Variants in TRIP11 observed in about 807,000 individuals in gnomAD.
TRIP11 encodes the protein thyroid receptor-interacting protein 11.
TRIP11 carries 148 observed loss-of-function variants against 223.1 expected under a neutral mutation model. The observed-to-expected ratio is 0.66, with a 90% CI of 0.58 to 0.76. The LOEUF is 0.76. TRIP11 is among the 30% of genes least tolerant of loss of function. TRIP11 has a pLI of 0.00. For synonymous variants in TRIP11, 762 were observed against 772.6 expected (o/e 0.99, Z 0.23); for missense variants, 2,043 against 2,222.0 (o/e 0.92, Z 1.62).
chr14:92,003,767 A>T lies in TRIP11; in HGVS notation c.4209T>A (p.Asp1403Glu). 1.9e-6 allele frequency: 3 copies of T among 1,614,198 alleles called. No individual in the cohort carries two copies. Among genetic ancestry groups the T allele is most frequent in the Non-Finnish European group, 8.5e-7 (1 of 1,180,036 alleles). The change falls in exon 11 of 21, where the codon GAT becomes GAA. Residue 1403 changes from aspartate to glutamate, a missense_variant. By Grantham distance (45) the Asp-to-Glu change is conservative. Coordinates refer to ENST00000267622, the MANE Select transcript of TRIP11 (RefSeq NM_004239.4). ...TTTCCTTAAGTAACTTTTGCAAAAC[A>T]TCTTGTTTCTCCTTTAGCTGCTTGA... is the stretch of plus-strand genomic sequence containing the variant. The part of the protein sequence containing the change: ...SEIKQLKEKQ[D>E]VLQKLLKEKD...
chr14:91,998,569 T>C (rs1184178118), intron 13 of TRIP11, among the ~76,000 whole-genome samples: 1 of 152,010 alleles, frequency 6.6e-6, no homozygotes, highest in Non-Finnish European at 1.5e-5. Context: ...AAAGGGTATA[T>C]AATGTATACA....
In TRIP11 at chr14:92,037,523, C is replaced by T. The variant is rs758512376; in HGVS notation, c.139+2024G>A. ...AAAATCCCACACGACAGAAGCTGTG[C>T]GTACAAGCAAGCATATATATGTGCA... On this transcript the variant is annotated intron_variant, in intron 1 of 20. Transcript: ENST00000267622. This position sits in a 1 kb window ranked among gnomAD's most constrained non-coding sequence, Gnocchi z 4.2. Among the ~76,000 whole-genome samples, 1 of 152,202 alleles carries T rather than the reference C, an allele frequency of 6.6e-6. No individual in the cohort carries two copies. The highest frequency in any genetic ancestry group is 1.5e-5 in the Non-Finnish European group (1 of 68,034).
intron 12 of TRIP11, 58 bp downstream of exon 12, chr14:91,999,910 T>C (rs2056800044): frequency 6.2e-7 from 1 of 1,602,166 alleles, no homozygotes; most frequent in African/African-American, 1.3e-5. Flanking sequence ...TTTCCAGTTC[T>C]CTTAATAGTT....
intron 4 of TRIP11, among the ~76,000 whole-genome samples, chr14:92,019,778 A>C (rs1476789161): frequency 1.3e-5 from 2 of 152,214 alleles, no homozygotes; most frequent in Non-Finnish European, 2.9e-5. Context: ...ATGATGCCAC[A>C]AGTGGAAAAT....
In TRIP11 at chr14:91,992,657, C is replaced by T. The variant is rs191911461; in HGVS notation, c.5160+1152G>A. On this transcript the variant is annotated intron_variant, in intron 15 of 20. Transcript: ENST00000267622. ...TCCTAGGCCGGGCATGGTGGGTAAT[C>T]CCAGCACTTTGGGAGGCCAAGGCGG... Among the ~76,000 whole-genome samples, 232 of 152,112 alleles carry T rather than the reference C, an allele frequency of 1.5e-3. 1 individual carries two copies. Among genetic ancestry groups the T allele is most frequent in the African/African-American group, 5.1e-3 (213 of 41,506 alleles).
intron 10 of TRIP11, 25 bp from the exon 11 acceptor site, chr14:92,006,473 C>A (rs2056904781): frequency 6.2e-7 from 1 of 1,609,758 alleles, no homozygotes; most frequent in African/African-American, 1.3e-5. Context: ...TGCATGGTGA[C>A]TTTACAACAT....
intron 6 of TRIP11, among the ~76,000 whole-genome samples, chr14:92,014,966 C>A (rs1417726050): frequency 6.7e-6 from 1 of 149,518 alleles, no homozygotes; most frequent in Non-Finnish European, 1.5e-5. Context: ...GGCAGTGGTG[C>A]CATCTCGGCT....
rs773518280 is a variant in TRIP11 at position 91,991,583 on chromosome 14, T to C, written c.5160+2226A>G. Reference sequence around the variant, plus strand: ...ATAAAGCTGAAGTTGACCATATATGTCCTATAACTCAGCAATTCCAATCAA... The same window carrying C: ...ATAAAGCTGAAGTTGACCATATATGCCCTATAACTCAGCAATTCCAATCAA... On this transcript the variant is annotated intron_variant, in intron 15 of 20. Transcript: ENST00000267622. 9.7e-4 allele frequency among the ~76,000 whole-genome samples: 148 copies of C among 152,142 alleles called. 1 individual carries two copies. Among genetic ancestry groups the C allele is most frequent in the Non-Finnish European group, 1.4e-3 (92 of 68,028 alleles).
At chr14:92,018,611 G>A (rs923086298) in intron 4 of TRIP11, among the ~76,000 whole-genome samples, 5 of 151,954 alleles carry the variant, frequency 3.3e-5, no homozygotes, top group Admixed American at 6.6e-5. Context: ...GTCAAAACAC[G>A]TGTGTTTGAA....
chr14:91,971,716 G>T (rs2056402649), intron 20 of TRIP11, among the ~76,000 whole-genome samples: 1 of 152,144 alleles, frequency 6.6e-6, no homozygotes, highest in Non-Finnish European at 1.5e-5. Flanking sequence ...ACTGTTTTCA[G>T]TATAGCCTAC....
chr14:91,988,795 T>G (rs1431500137), intron 15 of TRIP11, among the ~76,000 whole-genome samples: 2 of 152,236 alleles, frequency 1.3e-5, no homozygotes, highest in Admixed American at 6.5e-5. Flanking sequence ...CCCTGACCAC[T>G]ACTAGTGAAT....
chr14:91,982,047 A>G (rs1335417149), intron 16 of TRIP11, among the ~76,000 whole-genome samples: 2 of 152,212 alleles, frequency 1.3e-5, no homozygotes, highest in Non-Finnish European at 2.9e-5. Context: ...AATACAGTAT[A>G]ACTTCATTAA....
At chr14:92,024,005 G>A (rs1422303322) in intron 3 of TRIP11, among the ~76,000 whole-genome samples, 2 of 151,566 alleles carry the variant, frequency 1.3e-5, no homozygotes, top group East Asian at 1.9e-4. Context: ...ATAGGCATAC[G>A]CCACCACGTC....
chr14:91,995,397 G>C lies in TRIP11; in HGVS notation c.5011C>G (p.Leu1671Val), dbSNP rs780260139. Residue 1671 changes from leucine (L) to valine (V), a missense_variant, in exon 14 of 21, where the codon CTG (leucine) becomes GTG (valine). Physicochemically the swap from Leu to Val is conservative, Grantham distance 32 (BLOSUM62 1). Coordinates refer to ENST00000267622, the MANE Select transcript of TRIP11 (RefSeq NM_004239.4). ...VSQEQVKQYA[L>V]SLANLQMVLE... ...ACCATCTGCAGGTTGGCCAGTGACA[G>C]AGCATACTGCTTTACTTGTTCCTGA... 3 of 1,614,078 alleles carry C rather than the reference G, an allele frequency of 1.9e-6. No individual in the cohort carries two copies. Among genetic ancestry groups the C allele is most frequent in the Non-Finnish European group, 2.5e-6 (3 of 1,180,004 alleles).
At chr14:92,018,772 C>A (rs1416075300) in intron 4 of TRIP11, among the ~76,000 whole-genome samples, 1 of 151,712 alleles carries the variant, frequency 6.6e-6, no homozygotes, top group East Asian at 1.9e-4. Flanking sequence ...TCCTGGCCAA[C>A]AGGTGAAACC....
intron 11 of TRIP11, among the ~76,000 whole-genome samples, chr14:92,001,496 A>C (rs1015495614): frequency 1.3e-5 from 2 of 152,120 alleles, no homozygotes; most frequent in Non-Finnish European, 2.9e-5. Context: ...CATTATATTC[A>C]AGATATAATC....
chr14:92,017,423 C>T (rs1338855036), intron 5 of TRIP11, among the ~76,000 whole-genome samples: 1 of 152,048 alleles, frequency 6.6e-6, no homozygotes, highest in Non-Finnish European at 1.5e-5. Context: ...GCATGTGTGC[C>T]TGTAGTCCCA....
Position 92,017,392 on chromosome 14 carries a change from A to T in TRIP11, c.657+290T>A, listed in dbSNP as rs531998645. Among the ~76,000 whole-genome samples the T allele has an allele frequency of 3.3e-5, 5 of 152,252 alleles. No individual in the cohort carries two copies. In the East Asian group the frequency reaches 9.7e-4, roughly 29 times the overall value. On this transcript the variant is annotated intron_variant, in intron 5 of 20. Transcript: ENST00000267622. The stretch of plus-strand genomic sequence containing the variant: ...CCCCATCTATACAAAAAAAATCAGA[A>T]AAAATTAGCCAGGCATGGTGGCATG...
rs766294545 is a variant in TRIP11 at position 92,005,306 on chromosome 14, A to C, written c.2670T>G (p.Ser890Arg). ...ATACCTCAGATGCTAGTTCAGTAAC[A>C]CTATCAAGGGTTTTAGGGTCAGCCA... Reference protein sequence around the residue: ...APVADPKTLDSVTELASEVSQ... With the variant: ...APVADPKTLDRVTELASEVSQ... The change falls in exon 11 of 21, where the codon AGT becomes AGG. Residue 890 changes from serine (S) to arginine (R), a missense_variant. Transcript: ENST00000267622. The C allele has an allele frequency of 3.7e-6, 6 of 1,614,058 alleles. No individual in the cohort carries two copies. Among genetic ancestry groups the C allele is most frequent in the Non-Finnish European group, 2.5e-6 (3 of 1,179,994 alleles).
Sources: allele counts gnomAD v4.1 joint callset (sites outside exome capture counted in the v4.1 genomes callset), GRCh38; gene constraint gnomAD v4.1.1; non-coding constraint Gnocchi (gnomAD v3.1); transcripts MANE v1.5; gene names NCBI Gene and HGNC (gene_info 2026-07-23, HGNC 2026-07-21).